Variants in DUSP11 observed in about 807,000 individuals in gnomAD.
The protein encoded by DUSP11 is dual specificity phosphatase 11.
Under a neutral mutation model 41.4 loss-of-function variants are expected in DUSP11, and 27 were observed. The observed-to-expected ratio is 0.65, with a 90% CI of 0.48 to 0.90. DUSP11 has a LOEUF of 0.90. DUSP11 is among the 40% of genes least tolerant of loss of function. The pLI is 0.00. For synonymous variants in DUSP11, 188 were observed against 159.3 expected, an observed-to-expected ratio of 1.18 and a Z score of -1.35; for missense variants, 465 against 461.1, an observed-to-expected ratio of 1.01 and a Z score of -0.08.
chr2:73,766,086 G>A (rs539973791), intron 8 of DUSP11, among the ~76,000 whole-genome samples: 35 of 152,292 alleles, frequency 2.3e-4, no homozygotes, highest in African/African-American at 7.0e-4. Context: ...GAGGCGGGTA[G>A]ATCACAGGGT....
chr2:73,770,161 G>T (rs1672544751), intron 4 of DUSP11, among the ~76,000 whole-genome samples: 1 of 150,380 alleles, frequency 6.6e-6, no homozygotes, highest in African/African-American at 2.4e-5. Flanking sequence ...TGGGTATTGT[G>T]GCGGGAGCCT....
At chr2:73,778,564 C>T (rs541579338) in intron 1 of DUSP11, among the ~76,000 whole-genome samples, 188 bp from the exon 2 acceptor site, 3 of 152,198 alleles carry the variant, frequency 2.0e-5, no homozygotes, top group Admixed American at 2.0e-4. Context: ...CTCCTGTTTC[C>T]CCATCATAAA....
intron 6 of DUSP11, 100 bp from the exon 7 acceptor site, chr2:73,767,003 C>A: frequency 8.2e-7 from 1 of 1,214,536 alleles, no homozygotes; most frequent in Non-Finnish European, 1.2e-6. Context: ...TGTTATATCT[C>A]ACTACTTCCA....
At chr2:73,779,561 A>T (rs1171828413) in intron 1 of DUSP11, 1 of 387,480 alleles carries the variant, frequency 2.6e-6, no homozygotes, top group African/African-American at 2.0e-5. Context: ...CAAGGAATTG[A>T]GGAGGTTCCA....
exon 9 of DUSP11, chr2:73,762,621 C>T: frequency 6.6e-7 from 1 of 1,520,008 alleles, no homozygotes; most frequent in East Asian, 2.3e-5. Flanking sequence ...ATTTTCAGGC[C>T]AGCTCTGGTC....
chr2:73,775,336 C>T (rs1672658277), intron 2 of DUSP11, among the ~76,000 whole-genome samples: 2 of 149,312 alleles, frequency 1.3e-5, no homozygotes, highest in African/African-American at 2.5e-5. Flanking sequence ...AGGTGGAGTG[C>T]TTATCATATT....
chr2:73,770,757 G>A lies in DUSP11; in HGVS notation c.575-1432C>T, dbSNP rs138200028. Among the ~76,000 whole-genome samples, 31 of 152,116 alleles carry A rather than the reference G, an allele frequency of 2.0e-4. No individual in the cohort carries two copies. In the East Asian group the frequency reaches 5.6e-3, roughly 27 times the overall value. ...CTGGTATCAATCTGTCTTTCCAACCGATCTAAGTCCACAATGATCCTAACT... is the reference window on the plus strand; with the variant it reads ...CTGGTATCAATCTGTCTTTCCAACCAATCTAAGTCCACAATGATCCTAACT... On this transcript the variant is annotated intron_variant, in intron 4 of 8. Coordinates refer to ENST00000272444, the Ensembl canonical transcript of DUSP11.
At chr2:73,774,510 G>A (rs561086029) in intron 3 of DUSP11, among the ~76,000 whole-genome samples, 74 of 152,154 alleles carry the variant, frequency 4.9e-4, no homozygotes, top group African/African-American at 1.6e-3. Context: ...CATCATCCCC[G>A]ACAAAAAGAC....
chr2:73,779,786 C>T (rs1672756979), intron 1 of DUSP11, 88 bp downstream of exon 1: 3 of 1,563,296 alleles, frequency 1.9e-6, no homozygotes, highest in Non-Finnish European at 2.6e-6. Context: ...GCGATGGCAA[C>T]GGCGAGAGGC....
At chr2:73,772,299 C>G (rs930859041) in intron 4 of DUSP11, among the ~76,000 whole-genome samples, 23 of 152,134 alleles carry the variant, frequency 1.5e-4, no homozygotes, top group Admixed American at 1.2e-3. Context: ...GTTCTAGAAG[C>G]GAGTGGAGAG....
intron 5 of DUSP11, chr2:73,768,329 C>G: frequency 2.7e-6 from 1 of 374,462 alleles, no homozygotes; most frequent in Non-Finnish European, 3.7e-6. Context: ...TCTTTAATAT[C>G]TACTCCCTCC....
exon 7 of DUSP11, chr2:73,766,856 C>T: frequency 1.2e-6 from 2 of 1,613,316 alleles, no homozygotes; most frequent in Non-Finnish European, 1.7e-6. Flanking sequence ...TGAAGGTCTT[C>T]AATGTAGTTT....
intron 8 of DUSP11, among the ~76,000 whole-genome samples, chr2:73,765,212 T>C (rs949694928): frequency 6.6e-6 from 1 of 152,074 alleles, no homozygotes; most frequent in Non-Finnish European, 1.5e-5. Context: ...GGGGCCTGGA[T>C]ACAACAAAAA....
At chr2:73,769,746 C>T (rs1408785184) in intron 4 of DUSP11, among the ~76,000 whole-genome samples, 1 of 152,158 alleles carries the variant, frequency 6.6e-6, no homozygotes, top group Admixed American at 6.5e-5. Context: ...CTTGAGTTCC[C>T]GAAGAGCTTC....
intron 1 of DUSP11, 74 bp downstream of exon 1, chr2:73,779,800 G>A (rs1672757221): frequency 2.5e-6 from 4 of 1,589,160 alleles, no homozygotes; most frequent in Non-Finnish European, 3.4e-6. Context: ...GAGAGGCAGA[G>A]ACCACAAACG....
intron 4 of DUSP11, chr2:73,773,520 A>T (rs1672624294): frequency 2.7e-6 from 1 of 371,624 alleles, no homozygotes; most frequent in Admixed American, 4.0e-5. Context: ...AGAAGACAAA[A>T]ATAACATTTT....
intron 6 of DUSP11, 66 bp downstream of exon 6, chr2:73,767,093 TAA>T (rs1018597929): frequency 6.8e-7 from 1 of 1,480,434 alleles, no homozygotes; most frequent in African/African-American, 1.4e-5. Context: ...CAAAATTTGA[TAA>T]ATTCTTCTAC....
At chr2:73,770,985 A>T (rs962103355) in intron 4 of DUSP11, among the ~76,000 whole-genome samples, 1 of 152,058 alleles carries the variant, frequency 6.6e-6, no homozygotes, top group African/African-American at 2.4e-5. Context: ...CTCCCCAGAC[A>T]CCCAATGGCT....
At chr2:73,774,940 T>G in exon 3 of DUSP11, 1 of 1,609,416 alleles carries the variant, frequency 6.2e-7, no homozygotes, top group Non-Finnish European at 8.5e-7. Flanking sequence ...GTTGAGTATA[T>G]GTTAAATCAA....
Sources: gnomAD v4.1 joint callset for allele counts (sites outside exome capture counted in the v4.1 genomes callset) on GRCh38, gnomAD v4.1.1 for gene constraint, MANE v1.5 for transcripts, NCBI Gene and HGNC (gene_info 2026-07-23, HGNC 2026-07-21) for gene names.